IL1RAPL2: variants seen among roughly 807,000 people sequenced by gnomAD.
IL1RAPL2 encodes X-linked interleukin-1 receptor accessory protein-like 2.
Under a neutral mutation model 44.1 loss-of-function variants are expected in IL1RAPL2, and 3 were observed. That is an observed-to-expected ratio of 0.07 (90% confidence interval 0.03 to 0.18). The LOEUF is 0.18. Among genes scored for constraint, IL1RAPL2 ranks in the 10% least tolerant of loss-of-function variants. The probability of loss-of-function intolerance (pLI) is 1.00; values close to 1 mark genes in which losing one functional copy is unlikely to be tolerated. For missense variants in IL1RAPL2, 391 were observed against 496.4 expected (o/e 0.79, Z 2.02); for synonymous variants, 181 against 178.8 (o/e 1.01, Z -0.10).
At chrX:105,637,959 A>G (rs2037536592) in intron 6 of IL1RAPL2, among the ~76,000 whole-genome samples, 1 of 111,787 alleles carries the variant, frequency 8.9e-6, no homozygotes, top group African/African-American at 3.2e-5. Context: ...CTGTCCAGGC[A>G]TAACACTGAG....
intron 5 of IL1RAPL2, among the ~76,000 whole-genome samples, chrX:105,451,276 G>A (rs1280835359): frequency 9.0e-6 from 1 of 111,211 alleles, no homozygotes; most frequent in Admixed American, 9.6e-5. Flanking sequence ...TTTAAACATC[G>A]CTATCTCTTG....
intron 5 of IL1RAPL2, among the ~76,000 whole-genome samples, chrX:105,483,834 A>G (rs989543204): frequency 9.0e-6 from 1 of 111,301 alleles, no homozygotes; most frequent in African/African-American, 3.3e-5. Flanking sequence ...AATTATCCCA[A>G]TGAAGATATC....
chrX:105,610,974 G>A (rs182087375), intron 6 of IL1RAPL2, among the ~76,000 whole-genome samples: 53 of 111,900 alleles, frequency 4.7e-4, no homozygotes, highest in Non-Finnish European at 7.3e-4. Context: ...CACATGTGTT[G>A]TTGCACTTGA....
intron 2 of IL1RAPL2, among the ~76,000 whole-genome samples, chrX:105,098,082 G>A (rs1400721668): frequency 8.9e-6 from 1 of 111,803 alleles, no homozygotes; most frequent in South Asian, 3.8e-4. Context: ...AAAGATGTGT[G>A]AAAAACACTT....
intron 5 of IL1RAPL2, chrX:105,405,920 G>A (rs2035640481): frequency 8.6e-7 from 1 of 1,168,209 alleles, no homozygotes; most frequent in East Asian, 3.0e-5. Context: ...CTTTGATCAG[G>A]GATGATGATG....
intron 2 of IL1RAPL2, among the ~76,000 whole-genome samples, chrX:104,675,390 T>G (rs1234312988): frequency 4.5e-5 from 5 of 112,001 alleles, no homozygotes; most frequent in Non-Finnish European, 7.5e-5. Context: ...TTGTTCAGTT[T>G]CCATGTAGTT....
chrX:105,041,793 A>G (rs747373786), intron 2 of IL1RAPL2, among the ~76,000 whole-genome samples: 7,739 of 109,535 alleles, frequency 0.071, 716 homozygotes, highest in African/African-American at 0.25. Context: ...AAAAGAACAA[A>G]GCTGGAGGCA....
intron 2 of IL1RAPL2, among the ~76,000 whole-genome samples, chrX:105,126,688 A>T (rs773527042): frequency 9.0e-6 from 1 of 111,393 alleles, no homozygotes; most frequent in African/African-American, 3.2e-5. Flanking sequence ...ATCAAGGTGA[A>T]TTAATACGCC....
chrX:105,745,072 C>T (rs776456540), intron 8 of IL1RAPL2, among the ~76,000 whole-genome samples: 13 of 110,947 alleles, frequency 1.2e-4, no homozygotes, highest in Non-Finnish European at 2.1e-4. Context: ...TCCTAGAGGC[C>T]GGGATGTCCA....
At chrX:104,712,096 G>A (rs1474207823) in intron 2 of IL1RAPL2, among the ~76,000 whole-genome samples, 2 of 110,868 alleles carry the variant, frequency 1.8e-5, no homozygotes, top group Non-Finnish European at 3.8e-5. Context: ...CTGTAATACT[G>A]GCTTATAAGA....
At chrX:105,294,938 A>C (rs914149395) in intron 5 of IL1RAPL2, among the ~76,000 whole-genome samples, 9 of 112,026 alleles carry the variant, frequency 8.0e-5, no homozygotes, top group Non-Finnish European at 1.7e-4. Context: ...CCAAGTAATT[A>C]GCAGCAGATA....
chrX:105,719,292 A>G (rs1459509784), intron 7 of IL1RAPL2, among the ~76,000 whole-genome samples: 2 of 111,821 alleles, frequency 1.8e-5, no homozygotes, highest in African/African-American at 3.3e-5. Flanking sequence ...GAAACAAAAA[A>G]AACACATACT....
chrX:105,242,087 T>C (rs190747609), intron 4 of IL1RAPL2, among the ~76,000 whole-genome samples: 133 of 111,786 alleles, frequency 1.2e-3, no homozygotes, highest in African/African-American at 4.1e-3. Context: ...TCCAACTCTT[T>C]CCATCATAGC....
intron 3 of IL1RAPL2, among the ~76,000 whole-genome samples, chrX:105,223,967 G>C (rs1183266090): frequency 9.0e-6 from 1 of 111,152 alleles, no homozygotes; most frequent in South Asian, 3.8e-4. Flanking sequence ...TAGTTGAATG[G>C]CTGTACTGGG....
intron 5 of IL1RAPL2, among the ~76,000 whole-genome samples, chrX:105,385,509 G>C (rs1320932636): frequency 9.0e-6 from 1 of 110,520 alleles, no homozygotes; most frequent in African/African-American, 3.3e-5. Flanking sequence ...CATACCATAA[G>C]TAATTGATTA....
chrX:104,577,525 A>G (rs753793538), intron 1 of IL1RAPL2, among the ~76,000 whole-genome samples: 9 of 111,928 alleles, frequency 8.0e-5, no homozygotes, highest in Middle Eastern at 9.3e-3. Flanking sequence ...GTGATGGATT[A>G]TGAATTGAAA....
intron 1 of IL1RAPL2, among the ~76,000 whole-genome samples, chrX:104,617,164 T>C (rs918962518): frequency 2.7e-5 from 3 of 111,912 alleles, no homozygotes; most frequent in Non-Finnish European, 5.6e-5. Flanking sequence ...TGGTTGGAAT[T>C]TCTTTTCTTT....
chrX:105,232,338 T>A (rs990899720), intron 3 of IL1RAPL2, among the ~76,000 whole-genome samples: 2 of 112,143 alleles, frequency 1.8e-5, no homozygotes, highest in East Asian at 5.6e-4. Context: ...ACAGTGCCGA[T>A]CATTTGGTAC....
intron 6 of IL1RAPL2, among the ~76,000 whole-genome samples, chrX:105,670,867 AT>A (rs1003591825): frequency 9.3e-5 from 10 of 107,674 alleles, no homozygotes; most frequent in Non-Finnish European, 1.7e-4. Flanking sequence ...TATTTAAAAT[AT>A]TTTTTGGTGT....
Sources: gnomAD v4.1 joint callset for allele counts (sites outside exome capture counted in the v4.1 genomes callset) on GRCh38, gnomAD v4.1.1 for gene constraint, MANE v1.5 for transcripts, NCBI Gene and HGNC (gene_info 2026-07-23, HGNC 2026-07-21) for gene names.